Variants in RASGRP3 observed in about 807,000 individuals in gnomAD.
The protein encoded by RASGRP3 is RAS guanyl releasing protein 3, also known as ras guanyl-releasing protein 3.
In RASGRP3, 54 loss-of-function variants were observed where a neutral mutation model predicts 82.7. That is an observed-to-expected ratio of 0.65 (90% confidence interval 0.52 to 0.82). The LOEUF is 0.82. Ranked by LOEUF, RASGRP3 falls within the 40% of genes least tolerant of loss-of-function variation. RASGRP3 has a pLI of 0.00. For synonymous variants in RASGRP3, 309 were observed against 300.5 expected (o/e 1.03, Z -0.29); for missense variants, 861 against 828.9 (o/e 1.04, Z -0.48).
At chr2:33,542,301 G>A (rs1674353750) in intron 12 of RASGRP3, among the ~76,000 whole-genome samples, 1 of 146,378 alleles carries the variant, frequency 6.8e-6, no homozygotes, top group African/African-American at 2.4e-5. Context: ...ACTCTCTGTG[G>A]TAATTTGTAT....
intron 1 of RASGRP3, among the ~76,000 whole-genome samples, chr2:33,496,020 T>C (rs550245172): frequency 1.8e-4 from 27 of 152,224 alleles, no homozygotes; most frequent in Non-Finnish European, 2.8e-4. Context: ...GGTTCAGATT[T>C]GTACATTTGC....
upstream of RASGRP3, among the ~76,000 whole-genome samples, chr2:33,475,950 T>C (rs1278119994): frequency 6.6e-6 from 1 of 152,182 alleles, no homozygotes; most frequent in Non-Finnish European, 1.5e-5. Context: ...CAGATAACAA[T>C]GCGGAAGTTT....
chr2:33,490,521 C>CCATT (rs1167442108), intron 1 of RASGRP3, among the ~76,000 whole-genome samples: 2 of 152,208 alleles, frequency 1.3e-5, no homozygotes, highest in African/African-American at 4.8e-5. Flanking sequence ...GCTTCAGCTT[C>CCATT]CATTCTATCC....
At chr2:33,485,426 G>T (rs993959662) in intron 1 of RASGRP3, among the ~76,000 whole-genome samples, 1 of 152,144 alleles carries the variant, frequency 6.6e-6, no homozygotes, top group African/African-American at 2.4e-5. Context: ...TATTATTGAG[G>T]TGTTCTCTCA....
At chr2:33,447,772 T>C (rs1665581780) in intron 1 of RASGRP3, 3 of 152,266 alleles carry the variant, frequency 2.0e-5, no homozygotes, top group Admixed American at 2.0e-4. Flanking sequence ...TTCTGGTCAA[T>C]GAATGCATCC....
chr2:33,512,289 C>T (rs1249928644), intron 2 of RASGRP3, among the ~76,000 whole-genome samples: 4 of 152,198 alleles, frequency 2.6e-5, no homozygotes, highest in African/African-American at 9.6e-5. Context: ...GGGATGTGAA[C>T]ACCTTCCCCA....
chr2:33,520,358 T>C (rs1339125838), intron 5 of RASGRP3, among the ~76,000 whole-genome samples, 195 bp from the exon 6 acceptor site: 1 of 152,050 alleles, frequency 6.6e-6, no homozygotes, highest in Non-Finnish European at 1.5e-5. Context: ...GTGGGAGCGG[T>C]TTTAGATTGA....
chr2:33,483,789 T>A (rs769973451), intron 1 of RASGRP3, among the ~76,000 whole-genome samples: 4 of 152,120 alleles, frequency 2.6e-5, no homozygotes, highest in Non-Finnish European at 5.9e-5. Flanking sequence ...GCGCCCGGCC[T>A]AGTCACTACT....
At chr2:33,551,873 G>C (rs1238082632) in intron 14 of RASGRP3, among the ~76,000 whole-genome samples, 1 of 151,858 alleles carries the variant, frequency 6.6e-6, no homozygotes, top group Non-Finnish European at 1.5e-5. Flanking sequence ...GGCGCCTGCA[G>C]TCCCAGCTAC....
At chr2:33,521,918 T>C (rs1205467674) in intron 6 of RASGRP3, 37 bp from the exon 7 acceptor site, 5 of 1,583,482 alleles carry the variant, frequency 3.2e-6, no homozygotes, top group Non-Finnish European at 4.3e-6. Context: ...TGAAATGGGC[T>C]TTCAACACAT....
chr2:33,546,890 A>G (rs1574477409), intron 13 of RASGRP3, among the ~76,000 whole-genome samples: 1 of 152,030 alleles, frequency 6.6e-6, no homozygotes, highest in East Asian at 1.9e-4. Flanking sequence ...AACATGGAGA[A>G]ACCCCATCTC....
intron 2 of RASGRP3, among the ~76,000 whole-genome samples, chr2:33,513,348 A>G (rs141595617): frequency 6.6e-6 from 1 of 152,288 alleles, no homozygotes; most frequent in African/African-American, 2.4e-5. Flanking sequence ...ACAACCATAC[A>G]TATGGACATT....
At chr2:33,533,343 A>T (rs1673282431) in intron 10 of RASGRP3, 1 of 152,156 alleles carries the variant, frequency 6.6e-6, no homozygotes. Context: ...GTTAAGTCCC[A>T]ATTCACAAGG....
upstream of RASGRP3, among the ~76,000 whole-genome samples, chr2:33,475,365 A>C (rs2150923203): frequency 6.6e-6 from 1 of 152,292 alleles, no homozygotes; most frequent in East Asian, 1.9e-4. Flanking sequence ...ATGGAGGGAA[A>C]TTTCTGGTTT....
In RASGRP3 at chr2:33,532,498, A is replaced by G. The variant is rs551583568; in HGVS notation, c.1084-1825A>G. 2.8e-3 allele frequency: 427 copies of G among 152,318 alleles called. 2 individuals carry two copies. The highest frequency in any genetic ancestry group is 9.5e-3 in the African/African-American group (396 of 41,572). 9.4% of individuals were successfully genotyped at this position (152,318 alleles called of 1,614,324 possible). On this transcript the variant is annotated intron_variant, in intron 10 of 17. Coordinates refer to ENST00000403687, the MANE Select transcript of RASGRP3 (RefSeq NM_001139488.2). Reference sequence around the variant, plus strand: ...TTTTCCAAATAAGACGTTTCTATCAAAATGTACCTTTTACGCATCCTACTT... The same window carrying G: ...TTTTCCAAATAAGACGTTTCTATCAGAATGTACCTTTTACGCATCCTACTT...
rs1456455257 is a variant in RASGRP3 at position 33,527,182 on chromosome 2, T to C, written c.853T>C (p.Cys285Arg). 1.2e-6 allele frequency: 2 copies of C among 1,613,944 alleles called. No individual in the cohort carries two copies. The highest frequency in any genetic ancestry group is 2.2e-5 in the East Asian group (1 of 44,904). ...GTTGGTCTCCTCCAACGGCAATTAC[T>C]GCAATTACCGCAAGGCCTTTGCCGA... ...TELVSSNGNY[C>R]NYRKAFADCD... The change falls in exon 10 of 18, where the codon TGC becomes CGC. Residue 285 changes from cysteine to arginine, a missense_variant. Physicochemically the swap from Cys to Arg is radical, Grantham distance 180 (BLOSUM62 -3). Transcript: ENST00000403687.
chr2:33,470,620 C>T (rs1667002179), intron 2 of RASGRP3, among the ~76,000 whole-genome samples: 1 of 152,030 alleles, frequency 6.6e-6, no homozygotes, highest in South Asian at 2.1e-4. Context: ...ACCTTGTGAT[C>T]CACCCTCCTC....
At chr2:33,551,862 G>A (rs1675396482) in intron 14 of RASGRP3, among the ~76,000 whole-genome samples, 1 of 151,098 alleles carries the variant, frequency 6.6e-6, no homozygotes, top group South Asian at 2.1e-4. Context: ...GTGTGGTGGT[G>A]GGCGCCTGCA....
At chr2:33,484,310 T>C (rs572857321) in intron 1 of RASGRP3, among the ~76,000 whole-genome samples, 2 of 152,314 alleles carry the variant, frequency 1.3e-5, no homozygotes, top group East Asian at 3.9e-4. Flanking sequence ...TTAATATAGA[T>C]TTCTGGAGCT....
Sources: gnomAD v4.1 joint callset for allele counts (sites outside exome capture counted in the v4.1 genomes callset) on GRCh38, gnomAD v4.1.1 for gene constraint, MANE v1.5 for transcripts, NCBI Gene and HGNC (gene_info 2026-07-23, HGNC 2026-07-21) for gene names.